Variants in BBOX1 observed in about 807,000 individuals in gnomAD.
BBOX1 encodes the protein gamma-butyrobetaine dioxygenase.
BBOX1 carries 35 observed loss-of-function variants against 41.6 expected under a neutral mutation model. That is an observed-to-expected ratio of 0.84 (90% CI 0.64 to 1.11). The LOEUF (loss-of-function observed/expected upper bound fraction) is 1.11. BBOX1 is among the 50% of genes most tolerant of loss of function. The pLI, the probability that BBOX1 is intolerant of heterozygous loss-of-function variation, is 0.00. For missense variants in BBOX1, 458 were observed against 460.6 expected, an observed-to-expected ratio of 0.99 and a Z score of 0.05; for synonymous variants, 163 against 154.7, an observed-to-expected ratio of 1.05 and a Z score of -0.40.
chr11:27,060,887 C>T (rs1337353464), intron 4 of BBOX1, among the ~76,000 whole-genome samples: 1 of 152,150 alleles, frequency 6.6e-6, no homozygotes, highest in Non-Finnish European at 1.5e-5. Flanking sequence ...GATGGGTATC[C>T]AGGGAAAGAT....
At chr11:27,109,540 A>G (rs1228406192) in intron 5 of BBOX1, among the ~76,000 whole-genome samples, 1 of 152,002 alleles carries the variant, frequency 6.6e-6, no homozygotes, top group African/African-American at 2.4e-5. Context: ...AGATGGGGAA[A>G]AGAACAGAAA....
intron 4 of BBOX1, among the ~76,000 whole-genome samples, chr11:27,092,629 C>T (rs1374795059): frequency 6.6e-6 from 1 of 151,944 alleles, no homozygotes; most frequent in Admixed American, 6.6e-5. Context: ...TCTTTTCTTG[C>T]TGACCCCAAA....
At chr11:27,081,964 T>A (rs908740268) in intron 4 of BBOX1, among the ~76,000 whole-genome samples, 3 of 152,158 alleles carry the variant, frequency 2.0e-5, no homozygotes, top group Non-Finnish European at 4.4e-5. Flanking sequence ...TAGCCCTTTT[T>A]CGGATGGATA....
intron 4 of BBOX1, among the ~76,000 whole-genome samples, chr11:27,079,533 T>C (rs959604031): frequency 2.6e-5 from 4 of 152,002 alleles, no homozygotes; most frequent in African/African-American, 9.7e-5. Flanking sequence ...ATAGGGAATA[T>C]AAAGGAAAAA....
At chr11:27,114,872 A>G (rs1859199827) in intron 5 of BBOX1, among the ~76,000 whole-genome samples, 1 of 151,930 alleles carries the variant, frequency 6.6e-6, no homozygotes, top group Non-Finnish European at 1.5e-5. Context: ...TAAAAGCATG[A>G]GCTTACTATA....
chr11:27,070,020 A>G (rs978859247), intron 4 of BBOX1, among the ~76,000 whole-genome samples: 1 of 152,100 alleles, frequency 6.6e-6, no homozygotes, highest in African/African-American at 2.4e-5. Context: ...TTCATTATTA[A>G]CCCCAAAATC....
chr11:27,076,075 A>G (rs1253157618), intron 4 of BBOX1, among the ~76,000 whole-genome samples: 1 of 152,166 alleles, frequency 6.6e-6, no homozygotes, highest in Non-Finnish European at 1.5e-5. Context: ...AATGTGGTAC[A>G]TTCACTCTCC....
chr11:27,125,785 G>C lies in BBOX1; in HGVS notation c.968G>C (p.Ser323Thr). The C allele has an allele frequency of 6.2e-7, 1 of 1,612,290 alleles. No homozygotes were observed. The highest frequency in any genetic ancestry group is 8.5e-7 in the Non-Finnish European group (1 of 1,179,474). Reference sequence around the variant, plus strand: ...AAGGAGTTTGTTGACCTCATGAACAGCAAAGAATCCAAGTTTACCTTCAAG... The same window carrying C: ...AAGGAGTTTGTTGACCTCATGAACACCAAAGAATCCAAGTTTACCTTCAAG... Reference protein sequence around the residue: ...ALKEFVDLMNSKESKFTFKMN... With the variant: ...ALKEFVDLMNTKESKFTFKMN... The change falls in exon 8 of 9, where the codon AGC (serine) becomes ACC (threonine). Residue 323 changes from serine to threonine, a missense_variant. Physicochemically the swap from Ser to Thr is moderately conservative, Grantham distance 58. Coordinates refer to ENST00000263182, the MANE Select transcript of BBOX1 (RefSeq NM_003986.3).
At chr11:27,043,095 ACT>A (rs1851382825) in intron 2 of BBOX1, among the ~76,000 whole-genome samples, 2 of 151,536 alleles carry the variant, frequency 1.3e-5, no homozygotes, top group South Asian at 4.2e-4. Context: ...ACGGAGTCTC[ACT>A]CTGTCGCCCA....
At chr11:27,060,354 C>T (rs1269448416) in intron 4 of BBOX1, among the ~76,000 whole-genome samples, 3 of 152,042 alleles carry the variant, frequency 2.0e-5, no homozygotes, top group Non-Finnish European at 4.4e-5. Flanking sequence ...CTCCTGAAGC[C>T]TCCCCAAAAG....
At position 27,125,823 on chromosome 11, in the gene BBOX1, C is replaced by T; in HGVS notation, c.1003+3C>T. On this transcript the variant is annotated splice_donor_region_variant and intron_variant, in intron 8 of 8. Coordinates refer to ENST00000263182, the MANE Select transcript of BBOX1 (RefSeq NM_003986.3). Reference sequence around the variant, plus strand: ...GTTTACCTTCAAGATGAATCCAGGTCAGTGAATACATTTTCTCAAATAACC... The same window carrying T: ...GTTTACCTTCAAGATGAATCCAGGTTAGTGAATACATTTTCTCAAATAACC... The T allele has an allele frequency of 1.2e-6, 2 of 1,603,076 alleles. No homozygotes were observed. The highest frequency in any genetic ancestry group is 1.7e-6 in the Non-Finnish European group (2 of 1,176,172).
chr11:27,115,656 T>C, intron 6 of BBOX1, 99 bp downstream of exon 6: 2 of 1,074,332 alleles, frequency 1.9e-6, no homozygotes, highest in Non-Finnish European at 2.6e-6. Context: ...AGGTAGTTTG[T>C]CTTTTATAAA....
chr11:27,087,976 A>G (rs1338877505), intron 4 of BBOX1, among the ~76,000 whole-genome samples: 1 of 152,060 alleles, frequency 6.6e-6, no homozygotes, highest in Non-Finnish European at 1.5e-5. Context: ...GCATTATCCT[A>G]GAGTCTCTTT....
intron 5 of BBOX1, among the ~76,000 whole-genome samples, chr11:27,095,762 T>C (rs1487326115): frequency 1.3e-5 from 2 of 152,056 alleles, no homozygotes; most frequent in Non-Finnish European, 2.9e-5. Flanking sequence ...ATTTGCTTTT[T>C]TGTTTTTGTT....
rs993326265 is a variant in BBOX1, at chr11:27,053,122, C to T, written c.-38-2271C>T. On this transcript the variant is annotated intron_variant, in intron 2 of 8. Coordinates refer to ENST00000263182, the MANE Select transcript of BBOX1 (RefSeq NM_003986.3). ...CCGATATGCATTCAGCAATGTTGGC[C>T]TTAATATTTGTTTATTTTCATAATT... 2.0e-5 allele frequency among the ~76,000 whole-genome samples: 3 copies of T among 152,112 alleles called. No individual in the cohort carries two copies. The East Asian group carries it at 5.8e-4, about 29-fold the overall frequency.
chr11:27,062,531 C>T (rs1336494720), intron 4 of BBOX1, among the ~76,000 whole-genome samples: 1 of 151,998 alleles, frequency 6.6e-6, no homozygotes, highest in African/African-American at 2.4e-5. Context: ...TCTCAAATGC[C>T]TACAAGTTTG....
chr11:27,107,951 T>C (rs550973286), intron 5 of BBOX1, among the ~76,000 whole-genome samples: 1 of 152,198 alleles, frequency 6.6e-6, no homozygotes, highest in Non-Finnish European at 1.5e-5. Context: ...GTAAAGCAGA[T>C]GACATTTCTA....
At chr11:27,085,740 G>A (rs974702857) in intron 4 of BBOX1, among the ~76,000 whole-genome samples, 3 of 152,118 alleles carry the variant, frequency 2.0e-5, no homozygotes, top group Admixed American at 6.6e-5. Flanking sequence ...CGTTTAGTGA[G>A]AAAGGCATGA....
chr11:27,116,628 A>T (rs1228821503), intron 6 of BBOX1, among the ~76,000 whole-genome samples: 1 of 151,912 alleles, frequency 6.6e-6, no homozygotes, highest in Non-Finnish European at 1.5e-5. Flanking sequence ...CTTGGGACAG[A>T]TTGACTTTCA....
Sources: gnomAD v4.1 joint callset for allele counts (sites outside exome capture counted in the v4.1 genomes callset) on GRCh38, gnomAD v4.1.1 for gene constraint, MANE v1.5 for transcripts, NCBI Gene and HGNC (gene_info 2026-07-23, HGNC 2026-07-21) for gene names.